Variants in PDZD2 observed in about 807,000 individuals in gnomAD.
PDZD2 encodes the protein PDZ domain containing 2, also known as PDZ domain-containing protein 2.
Under a neutral mutation model 220.7 loss-of-function variants are expected in PDZD2, and 90 were observed. That is an observed-to-expected ratio of 0.41 (90% CI 0.34 to 0.49). The LOEUF (loss-of-function observed/expected upper bound fraction) is 0.49, where lower values mean the gene tolerates loss of function less well. PDZD2 is among the 20% of genes least tolerant of loss of function. PDZD2 has a pLI of 0.28. For synonymous variants in PDZD2, 1,375 were observed against 1,450.5 expected (o/e 0.95, Z 1.18); for missense variants, 3,174 against 3,608.5 (o/e 0.88, Z 3.08).
At chr5:31,993,614 C>T (rs1287220395) in intron 3 of PDZD2, among the ~76,000 whole-genome samples, 2 of 152,178 alleles carry the variant, frequency 1.3e-5, no homozygotes, top group African/African-American at 2.4e-5. Flanking sequence ...TGGCTTTGTC[C>T]ATGTTGTACC....
chr5:31,937,744 C>T (rs1394614605), intron 2 of PDZD2, among the ~76,000 whole-genome samples: 1 of 152,210 alleles, frequency 6.6e-6, no homozygotes, highest in Non-Finnish European at 1.5e-5. Context: ...CAACTCTTGT[C>T]CTTTCTTGCC....
intron 1 of PDZD2, among the ~76,000 whole-genome samples, chr5:31,760,759 T>C (rs1409258468): frequency 1.3e-5 from 2 of 152,016 alleles, no homozygotes; most frequent in African/African-American, 4.8e-5. Context: ...CCCATCTCTA[T>C]GACAAATACA....
intron 1 of PDZD2, among the ~76,000 whole-genome samples, chr5:31,793,135 G>A (rs1283553749): frequency 6.6e-6 from 1 of 151,996 alleles, no homozygotes; most frequent in Non-Finnish European, 1.5e-5. Flanking sequence ...ACTGGGGCCC[G>A]GCCAAAGGTG....
intron 19 of PDZD2, among the ~76,000 whole-genome samples, chr5:32,082,099 G>A (rs1742022441): frequency 6.7e-6 from 1 of 148,362 alleles, no homozygotes; most frequent in Non-Finnish European, 1.5e-5. Flanking sequence ...TTGGCTCACT[G>A]CAACCTCTGC....
intron 5 of PDZD2, among the ~76,000 whole-genome samples, chr5:32,001,023 C>T (rs113027644): frequency 1.5e-3 from 224 of 152,296 alleles, no homozygotes; most frequent in African/African-American, 4.2e-3. Context: ...GAACCGCACA[C>T]GCAACAGATC....
In PDZD2 at chr5:32,108,831, G is replaced by GATC. The variant is rs1361777701; in HGVS notation, c.*699_*701dup. ...AGGTTATTGATCACCATGAAGTATTGATCATTTTCTATCTCAAAAGTGTAA... is the reference window on the plus strand; with the variant it reads ...AGGTTATTGATCACCATGAAGTATTGATCATCATTTTCTATCTCAAAAGTGTAA... On this transcript the variant is annotated 3_prime_UTR_variant, in exon 25 of 25. Transcript: ENST00000438447. 5 of 152,648 alleles carry GATC rather than the reference G, an allele frequency of 3.3e-5. No homozygotes were observed. Among genetic ancestry groups the GATC allele is most frequent in the Non-Finnish European group, 7.3e-5 (5 of 68,046 alleles). 9.5% of individuals were successfully genotyped at this position (152,648 alleles called of 1,614,324 possible).
intron 1 of PDZD2, among the ~76,000 whole-genome samples, chr5:31,641,002 G>A (rs140027952): frequency 2.2e-4 from 33 of 152,206 alleles, no homozygotes; most frequent in Admixed American, 4.6e-4. Context: ...TAAATCTATC[G>A]CTGAAATTGA....
chr5:31,795,279 T>G (rs1753960776), intron 1 of PDZD2, among the ~76,000 whole-genome samples: 1 of 152,196 alleles, frequency 6.6e-6, no homozygotes, highest in South Asian at 2.1e-4. Context: ...GTGAGTAAAG[T>G]CACCTACTGA....
intron 21 of PDZD2, among the ~76,000 whole-genome samples, chr5:32,093,397 G>A (rs1289136054): frequency 6.6e-6 from 1 of 152,112 alleles, no homozygotes; most frequent in South Asian, 2.1e-4. Context: ...CTAGTCAAGG[G>A]AGCCACCTGC....
At chr5:31,771,075 G>T (rs1488367730) in intron 1 of PDZD2, among the ~76,000 whole-genome samples, 1 of 152,192 alleles carries the variant, frequency 6.6e-6, no homozygotes, top group Non-Finnish European at 1.5e-5. Context: ...AAATAAGCAT[G>T]ATTTAATGAA....
intron 2 of PDZD2, among the ~76,000 whole-genome samples, chr5:31,949,668 C>CTTTTT (rs5867121): frequency 7.8e-6 from 1 of 127,898 alleles, no homozygotes. Flanking sequence ...CCATTTTTAG[C>CTTTTT]TTTTTTTTTT....
At position 31,712,479 on chromosome 5, in the gene PDZD2, TCTCC is replaced by T. The variant is rs1364303957; in HGVS notation, c.-361+73044_-361+73047del. On this transcript the variant is annotated intron_variant, in intron 1 of 24. Transcript: ENST00000438447. ...CTCTCTCTCTCTCTCTCTCTCTCTC[TCTCC>T]CCCTCTCTCCCTCTCCCTATAGTCA... is the stretch of plus-strand genomic sequence containing the variant. Among the ~76,000 whole-genome samples, 146 of 60,328 alleles carry T rather than the reference TCTCC, an allele frequency of 2.4e-3. 3 individuals carry two copies. In the East Asian group the frequency reaches 0.046, roughly 19 times the overall value. The allele number at this position is 60,328 out of a possible 152,430, so 39.6% of individuals were successfully genotyped here.
chr5:32,047,531 TAAGAAA>T (rs1327106190), intron 7 of PDZD2, among the ~76,000 whole-genome samples: 1 of 152,136 alleles, frequency 6.6e-6, no homozygotes, highest in Non-Finnish European at 1.5e-5. Context: ...AGTGGGTTGT[TAAGAAA>T]AAGAAGAAGA....
chr5:31,810,856 A>G (rs1755070184), intron 2 of PDZD2, among the ~76,000 whole-genome samples: 1 of 152,252 alleles, frequency 6.6e-6, no homozygotes, highest in Admixed American at 6.5e-5. Context: ...GTAAAATGAA[A>G]CAAAGCTTGT....
chr5:32,064,425 T>C (rs1203928190), intron 14 of PDZD2, among the ~76,000 whole-genome samples: 2 of 151,800 alleles, frequency 1.3e-5, no homozygotes, highest in Non-Finnish European at 2.9e-5. Flanking sequence ...GTATTTTTAG[T>C]AGAGATGGGG....
chr5:32,048,572 A>G lies in PDZD2; in HGVS notation c.1553A>G (p.Tyr518Cys). 6.2e-7 allele frequency: 1 copy of G among 1,613,976 alleles called. No individual in the cohort carries two copies. Among genetic ancestry groups the G allele is most frequent in the Non-Finnish European group, 8.5e-7 (1 of 1,179,862 alleles). ...GVHRLESVEE[Y>C]NELMVRNGDP... Reference sequence around the variant, plus strand: ...CACCGCCTTGAGTCAGTTGAAGAATATAACGAGCTGATGGTGCGGAATGGG... The same window carrying G: ...CACCGCCTTGAGTCAGTTGAAGAATGTAACGAGCTGATGGTGCGGAATGGG... The change falls in exon 8 of 25, where the codon TAT (tyrosine) becomes TGT (cysteine). Residue 518 changes from tyrosine to cysteine, a missense_variant. Around this residue, in one of 4 missense-constraint regions of PDZD2, gnomAD observed 632 missense variants for 708.1 expected, o/e 0.89. Coordinates refer to ENST00000438447, the MANE Select transcript of PDZD2 (RefSeq NM_178140.4).
intron 2 of PDZD2, among the ~76,000 whole-genome samples, chr5:31,970,057 C>T (rs62360564): frequency 0.36 from 54,241 of 151,676 alleles, 10,271 homozygotes; most frequent in Middle Eastern, 0.46. Context: ...CACCACCACC[C>T]CTGGCTAATT....
At chr5:31,799,753 G>C in intron 2 of PDZD2, 29 bp downstream of exon 2, 1 of 1,478,464 alleles carries the variant, frequency 6.8e-7, no homozygotes, top group Non-Finnish European at 9.5e-7. Flanking sequence ...TGCTGGCACA[G>C]GGGCTGGACA....
chr5:31,657,714 T>C (rs1473185736), intron 1 of PDZD2, among the ~76,000 whole-genome samples: 1 of 152,198 alleles, frequency 6.6e-6, no homozygotes, highest in African/African-American at 2.4e-5. Flanking sequence ...GTGATCCATG[T>C]GCATCAGCAC....
Sources: gnomAD v4.1 joint callset for allele counts (sites outside exome capture counted in the v4.1 genomes callset) on GRCh38, gnomAD v4.1.1 for gene constraint, gnomAD v4.1.1 regional missense constraint, MANE v1.5 for transcripts, NCBI Gene and HGNC (gene_info 2026-07-23, HGNC 2026-07-21) for gene names.